Variants in XYLB observed in about 807,000 individuals in gnomAD.
The protein encoded by XYLB is xylulokinase, also known as xylulose kinase.
A neutral mutation model predicts 78.7 loss-of-function variants in XYLB; 62 were observed. That is an observed-to-expected ratio of 0.79 (90% CI 0.64 to 0.97). The LOEUF is 0.97. Among genes scored for constraint, XYLB ranks in the 50% least tolerant of loss-of-function variants. The pLI, the probability that XYLB is intolerant of heterozygous loss-of-function variation, is 0.00. For missense variants in XYLB, 687 were observed against 676.8 expected (o/e 1.02, Z -0.17); for synonymous variants, 245 against 247.4 (o/e 0.99, Z 0.09).
chr3:38,354,222 C>T (rs369530090), intron 2 of XYLB, among the ~76,000 whole-genome samples: 6 of 151,656 alleles, frequency 4.0e-5, no homozygotes, highest in South Asian at 4.2e-4. Context: ...TACAGGCGCC[C>T]GCCACTGGCT....
rs771766086 is a variant in XYLB at position 38,375,295 on chromosome 3, TGAG to T, written c.1004+41_1004+43del. On this transcript the variant is annotated intron_variant, in intron 12 of 18. Transcript: ENST00000207870. Reference sequence around the variant, plus strand: ...GTGTTGGTTGGCACCATTCCCTGGGTGAGGAGGTGTGGGCAGGTCTGGCACCAT... The same window carrying T: ...GTGTTGGTTGGCACCATTCCCTGGGTGAGGTGTGGGCAGGTCTGGCACCAT... The T allele has an allele frequency of 1.9e-6, 3 of 1,583,470 alleles. No individual in the cohort carries two copies. The South Asian group carries it at 3.3e-5, about 18-fold the overall frequency.
chr3:38,383,703 G>A (rs1386944544), intron 15 of XYLB, among the ~76,000 whole-genome samples: 2 of 152,084 alleles, frequency 1.3e-5, no homozygotes, highest in African/African-American at 4.8e-5. Context: ...GAGGCCGGGG[G>A]GATCGCTGGA....
intron 18 of XYLB, among the ~76,000 whole-genome samples, chr3:38,407,607 A>G (rs1457587840): frequency 1.3e-5 from 2 of 152,214 alleles, no homozygotes; most frequent in Admixed American, 6.5e-5. Context: ...TAAAGAGTCA[A>G]GACTCATCAG....
chr3:38,395,628 G>A, intron 16 of XYLB, 65 bp downstream of exon 16: 1 of 1,545,012 alleles, frequency 6.5e-7, no homozygotes, highest in Non-Finnish European at 8.9e-7. Context: ...AAGAGCCAGA[G>A]ACTGGATAGG....
At chr3:38,383,397 A>G (rs565636830) in intron 15 of XYLB, among the ~76,000 whole-genome samples, 10 of 152,344 alleles carry the variant, frequency 6.6e-5, no homozygotes, top group African/African-American at 2.4e-4. Context: ...GGGCAGGGCT[A>G]ATAAGCCATA....
At chr3:38,356,476 A>G (rs1705662750) in intron 2 of XYLB, 1 of 152,182 alleles carries the variant, frequency 6.6e-6, no homozygotes, top group South Asian at 2.1e-4. Context: ...AGTGGCAACC[A>G]CAATCAACTC....
At chr3:38,372,863 G>T in intron 10 of XYLB, 127 bp downstream of exon 10, 1 of 1,032,144 alleles carries the variant, frequency 9.7e-7, no homozygotes, top group Non-Finnish European at 1.5e-6. Context: ...CACCCATGCT[G>T]GATGTTTGAG....
Position 38,346,848 on chromosome 3 carries a change from C to T in XYLB, c.-21C>T, listed in dbSNP as rs2125538007. The T allele has an allele frequency of 6.7e-7, 1 of 1,501,636 alleles. No individual in the cohort carries two copies. The highest frequency in any genetic ancestry group is 2.8e-5 in the East Asian group (1 of 35,132). 93.0% of individuals were successfully genotyped at this position (1,501,636 alleles called of 1,614,324 possible). On this transcript the variant is annotated 5_prime_UTR_variant, in exon 1 of 19. Transcript: ENST00000207870. ...TGGCGGACGGACGGACTGACGGACG[C>T]GCAGCCTTACCCGAAAGGCCATGGC...
At chr3:38,374,425 G>C (rs764833145) in intron 10 of XYLB, 37 bp from the exon 11 acceptor site, 40 of 1,613,794 alleles carry the variant, frequency 2.5e-5, no homozygotes, top group Non-Finnish European at 3.4e-5. Context: ...TTCCCATGTG[G>C]CCGCCAGCTA....
chr3:38,417,437 C>T (rs1296979704), downstream of XYLB, among the ~76,000 whole-genome samples: 1 of 152,146 alleles, frequency 6.6e-6, no homozygotes, highest in African/African-American at 2.4e-5. Flanking sequence ...GCTTTTGGTA[C>T]ATAGAGTAGA....
chr3:38,440,194 G>T, the XYLB span, among the ~76,000 whole-genome samples: 2 of 152,162 alleles, frequency 1.3e-5, no homozygotes, highest in South Asian at 4.1e-4. Context: ...AAGATTAGAA[G>T]TTAGGATAAT....
the XYLB span, among the ~76,000 whole-genome samples, chr3:38,446,102 G>A: frequency 1.3e-5 from 2 of 152,284 alleles, no homozygotes; most frequent in East Asian, 3.9e-4. Flanking sequence ...CCACAGCATG[G>A]AAGGAGACCC....
chr3:38,430,962 G>T, the XYLB span, among the ~76,000 whole-genome samples: 1 of 152,174 alleles, frequency 6.6e-6, no homozygotes, highest in Non-Finnish European at 1.5e-5. Context: ...CTGTAGCCTT[G>T]TAGTATAGTT....
At position 38,413,713 on chromosome 3, in the gene XYLB, A is replaced by G. The variant is rs1708692449; in HGVS notation, c.*700A>G. 6.6e-6 allele frequency: 1 copy of G among 151,734 alleles called. No homozygotes were observed. The highest frequency in any genetic ancestry group is 1.5e-5 in the Non-Finnish European group (1 of 67,998). 9.4% of individuals were successfully genotyped at this position (151,734 alleles called of 1,614,324 possible). A position where few individuals can be genotyped will look rare whatever the true frequency, so the allele number is the denominator to read the frequency against. ...TAATTCACAACCTCCCACCCAAACA[A>G]TGGGCCTGGTGGACGTGCTTCCTGT... On this transcript the variant is annotated 3_prime_UTR_variant, in exon 19 of 19. Transcript: ENST00000207870.
At chr3:38,359,151 AT>A (rs1705835400) in intron 2 of XYLB, among the ~76,000 whole-genome samples, 1 of 152,272 alleles carries the variant, frequency 6.6e-6, no homozygotes, top group Non-Finnish European at 1.5e-5. Flanking sequence ...AAGATTATAG[AT>A]TAGCTGAAAG....
At chr3:38,430,806 T>C in the XYLB span, among the ~76,000 whole-genome samples, 7 of 152,248 alleles carry the variant, frequency 4.6e-5, no homozygotes, top group African/African-American at 1.2e-4. Context: ...ATTTATTAAA[T>C]AGGGAATCCT....
Position 38,375,191 on chromosome 3 carries a change from C to T in XYLB, c.936C>T (p.Pro312=), listed in dbSNP as rs140792638. The T allele has an allele frequency of 2.7e-4, 428 of 1,614,104 alleles. No homozygotes were observed. The highest frequency in any genetic ancestry group is 3.6e-4 in the Non-Finnish European group (420 of 1,180,044). ...CCCTGTTTCTCTGGCTCCAAGAGCCCATGCCTGCCCTGGAAGGCCACATCT... is the reference window on the plus strand; with the variant it reads ...CCCTGTTTCTCTGGCTCCAAGAGCCTATGCCTGCCCTGGAAGGCCACATCT... The part of the protein sequence containing the change: ...SDTLFLWLQE[P]MPALEGHIFC... The change falls in exon 12 of 19, where the codon CCC becomes CCT. Residue 312 remains proline (P), a synonymous_variant. Coordinates refer to ENST00000207870, the MANE Select transcript of XYLB (RefSeq NM_005108.4).
downstream of XYLB, among the ~76,000 whole-genome samples, chr3:38,425,684 A>G (rs1395478039): frequency 1.3e-5 from 2 of 152,222 alleles, no homozygotes; most frequent in Non-Finnish European, 2.9e-5. Context: ...GTGTTTCTCC[A>G]GGCCAAAACC....
chr3:38,433,736 G>A, the XYLB span, among the ~76,000 whole-genome samples: 1 of 152,118 alleles, frequency 6.6e-6, no homozygotes, highest in Non-Finnish European at 1.5e-5. Flanking sequence ...TCAGCATTTT[G>A]GTCAAAGCCA....
Sources: allele counts gnomAD v4.1 joint callset (sites outside exome capture counted in the v4.1 genomes callset), GRCh38; gene constraint gnomAD v4.1.1; transcripts MANE v1.5; gene names NCBI Gene and HGNC (gene_info 2026-07-23, HGNC 2026-07-21).